Variants in CEP70 observed in about 807,000 individuals in gnomAD.
CEP70 encodes centrosomal protein 70, also known as centrosomal protein of 70 kDa.
A neutral mutation model predicts 90.9 loss-of-function variants in CEP70; 70 were observed. That is an observed-to-expected ratio of 0.77 (90% CI 0.64 to 0.94). CEP70 has a LOEUF of 0.94. Ranked by LOEUF, CEP70 falls within the 40% of genes least tolerant of loss-of-function variation. CEP70 has a pLI of 0.00. For missense variants in CEP70, 648 were observed against 669.0 expected, an observed-to-expected ratio of 0.97 and a Z score of 0.35; for synonymous variants, 220 against 228.3, an observed-to-expected ratio of 0.96 and a Z score of 0.33.
intron 11 of CEP70, among the ~76,000 whole-genome samples, chr3:138,509,496 G>C (rs570282508): frequency 6.6e-6 from 1 of 152,264 alleles, no homozygotes; most frequent in South Asian, 2.1e-4. Context: ...CCACCTAGTA[G>C]TAAACACTTG....
At chr3:138,517,530 G>C (rs943327154) in intron 11 of CEP70, among the ~76,000 whole-genome samples, 1 of 152,202 alleles carries the variant, frequency 6.6e-6, no homozygotes, top group Admixed American at 6.5e-5. Context: ...TTAGCCAGGG[G>C]TGGTGGCAGG....
chr3:138,543,345 G>C (rs2038915941), intron 6 of CEP70, among the ~76,000 whole-genome samples: 1 of 152,210 alleles, frequency 6.6e-6, no homozygotes, highest in Non-Finnish European at 1.5e-5. Context: ...AGGCAGTAGG[G>C]GGCTGGCATG....
rs781545170 is a variant in CEP70, at chr3:138,570,403, C to T, written c.380G>A (p.Gly127Asp). ...ACTTAGTGATTCATCCTCCAATTCA[C>T]CAATTTTGGATTTCACACTTTCCAT... ...QIMESVKSKIGELEDESLSRA... is the reference protein window; with the variant it reads ...QIMESVKSKIDELEDESLSRA... Residue 127 changes from glycine (G) to aspartate (D), a missense_variant, in exon 6 of 18, where the codon GGT becomes GAT. Coordinates refer to ENST00000264982, the MANE Select transcript of CEP70 (RefSeq NM_024491.4). 6.2e-7 allele frequency: 1 copy of T among 1,608,922 alleles called. No homozygotes were observed. The highest frequency in any genetic ancestry group is 1.3e-5 in the African/African-American group (1 of 74,708).
At chr3:138,510,376 T>C in intron 11 of CEP70, among the ~76,000 whole-genome samples, 1 of 151,104 alleles carries the variant, frequency 6.6e-6, no homozygotes, top group Non-Finnish European at 1.5e-5. Flanking sequence ...GGGGTTGCAG[T>C]GAGGTGAGAT....
chr3:138,592,338 T>C (rs2042424309), intron 1 of CEP70, among the ~76,000 whole-genome samples: 1 of 152,136 alleles, frequency 6.6e-6, no homozygotes, highest in Non-Finnish European at 1.5e-5. Context: ...CTACTCCTCA[T>C]TTGCACCTGT....
chr3:138,573,738 A>C (rs570069305), intron 2 of CEP70, among the ~76,000 whole-genome samples: 27 of 152,354 alleles, frequency 1.8e-4, no homozygotes. Flanking sequence ...GCACAGTAAC[A>C]GAAATATATT....
chr3:138,547,469 A>G (rs2039298617), intron 6 of CEP70, among the ~76,000 whole-genome samples: 1 of 152,246 alleles, frequency 6.6e-6, no homozygotes, highest in African/African-American at 2.4e-5. Context: ...TAACAAAACT[A>G]GCATTAATTT....
At chr3:138,548,128 A>G (rs2039355145) in intron 6 of CEP70, among the ~76,000 whole-genome samples, 1 of 152,228 alleles carries the variant, frequency 6.6e-6, no homozygotes, top group Non-Finnish European at 1.5e-5. Flanking sequence ...CCTGAACAAA[A>G]TATTAGCAGG....
intron 2 of CEP70, among the ~76,000 whole-genome samples, chr3:138,585,378 T>C (rs1193623993): frequency 6.6e-6 from 1 of 152,032 alleles, no homozygotes; most frequent in Non-Finnish European, 1.5e-5. Context: ...AAAATACTGA[T>C]GACAGAAATT....
intron 6 of CEP70, among the ~76,000 whole-genome samples, chr3:138,538,939 T>C (rs2038519226): frequency 6.6e-6 from 1 of 152,202 alleles, no homozygotes; most frequent in Non-Finnish European, 1.5e-5. Context: ...CTTATAATCA[T>C]TGCTTTAATG....
At chr3:138,534,403 A>G (rs2038091828) in intron 7 of CEP70, among the ~76,000 whole-genome samples, 1 of 152,188 alleles carries the variant, frequency 6.6e-6, no homozygotes. Flanking sequence ...ATCCTGCACA[A>G]ATCCTCTTGA....
intron 11 of CEP70, among the ~76,000 whole-genome samples, chr3:138,524,856 T>C (rs919111664): frequency 1.3e-5 from 2 of 152,200 alleles, no homozygotes; most frequent in Non-Finnish European, 2.9e-5. Context: ...GACAGTGTGG[T>C]GATTCCTCAA....
At chr3:138,593,356 G>A (rs1351605725) in intron 1 of CEP70, among the ~76,000 whole-genome samples, 1 of 151,994 alleles carries the variant, frequency 6.6e-6, no homozygotes, top group African/African-American at 2.4e-5. Context: ...CCGAGTAGCT[G>A]GGATTACAGG....
At chr3:138,540,758 G>A (rs115630925) in intron 6 of CEP70, among the ~76,000 whole-genome samples, 2 of 152,238 alleles carry the variant, frequency 1.3e-5, no homozygotes, top group Non-Finnish European at 2.9e-5. Context: ...ATACCCAGAG[G>A]AATACAAATC....
At chr3:138,504,260 A>G (rs546686469) in intron 13 of CEP70, among the ~76,000 whole-genome samples, 10 of 152,332 alleles carry the variant, frequency 6.6e-5, no homozygotes, top group South Asian at 6.2e-4. Flanking sequence ...CTGTCACTCA[A>G]TCAAAATGTT....
intron 2 of CEP70, among the ~76,000 whole-genome samples, chr3:138,574,627 C>G (rs1170873953): frequency 1.3e-5 from 2 of 152,220 alleles, no homozygotes; most frequent in East Asian, 1.9e-4. Context: ...TGAGAACGGA[C>G]AGACTGCCTA....
At chr3:138,531,062 C>T (rs2037768334) in intron 8 of CEP70, among the ~76,000 whole-genome samples, 1 of 152,158 alleles carries the variant, frequency 6.6e-6, no homozygotes, top group Non-Finnish European at 1.5e-5. Flanking sequence ...ATCCAAATAT[C>T]TGACCCAAGG....
At chr3:138,520,834 C>T (rs543169622) in intron 11 of CEP70, among the ~76,000 whole-genome samples, 1 of 152,238 alleles carries the variant, frequency 6.6e-6, no homozygotes, top group Middle Eastern at 3.4e-3. Flanking sequence ...CTCCGTCTCC[C>T]ACTTGGCCAC....
intron 6 of CEP70, among the ~76,000 whole-genome samples, chr3:138,556,056 T>C (rs1189572970): frequency 3.9e-5 from 6 of 152,184 alleles, no homozygotes; most frequent in African/African-American, 1.4e-4. Context: ...AAAGAAACTG[T>C]GGTATACATA....
Sources: allele counts gnomAD v4.1 joint callset (sites outside exome capture counted in the v4.1 genomes callset), GRCh38; gene constraint gnomAD v4.1.1; transcripts MANE v1.5; gene names NCBI Gene and HGNC (gene_info 2026-07-23, HGNC 2026-07-21).